The following PLCG1 variants were observed in gnomAD, a reference collection of about 807,000 sequenced individuals.
The protein encoded by PLCG1 is 1-phosphatidylinositol 4,5-bisphosphate phosphodiesterase gamma-1.
PLCG1 carries 71 observed loss-of-function variants against 177.8 expected under a neutral mutation model. That is an observed-to-expected ratio of 0.40 (90% CI 0.33 to 0.49). The LOEUF (loss-of-function observed/expected upper bound fraction) is 0.49. PLCG1 is among the 20% of genes least tolerant of loss of function. PLCG1 has a pLI of 0.72. For missense variants in PLCG1, 1,281 were observed against 1,709.0 expected, an observed-to-expected ratio of 0.75 and a Z score of 4.42; for synonymous variants, 658 against 647.9, an observed-to-expected ratio of 1.02 and a Z score of -0.24.
At position 41,159,808 on chromosome 20, in the gene PLCG1, G is replaced by T; in HGVS notation, c.370+50G>T. ...GTAGAGGATAGTTAGGGGAATGCCTGCTGGCTCCTGCCCAGTGGGAGGTAT... is the reference window on the plus strand; with the variant it reads ...GTAGAGGATAGTTAGGGGAATGCCTTCTGGCTCCTGCCCAGTGGGAGGTAT... On this transcript the variant is annotated intron_variant, in intron 2 of 31. Transcript: ENST00000685551. This position sits in a 1 kb window ranked among gnomAD's most constrained non-coding sequence, Gnocchi z 6.0. 4 of 1,613,324 alleles carry T rather than the reference G, an allele frequency of 2.5e-6. No individual in the cohort carries two copies. Among genetic ancestry groups the T allele is most frequent in the Non-Finnish European group, 3.4e-6 (4 of 1,179,208 alleles).
Position 41,174,205 on chromosome 20 carries a change from G to A in PLCG1, c.3727G>A (p.Gly1243Ser), listed in dbSNP as rs1170870807. The change falls in exon 31 of 32, where the codon GGC becomes AGC. Residue 1243 changes from glycine to serine, a missense_variant. Transcript: ENST00000685551. The surrounding 1 kb of genome is among the most constrained non-coding windows in gnomAD (Gnocchi z 5.8). ...GSDASGQLFH[G>S]RAREGSFESR... ...AGATGCCTCAGGCCAGCTGTTTCAT[G>A]GCCGAGCCCGGGAAGGCTCCTTTGA... 1.2e-6 allele frequency: 2 copies of A among 1,614,184 alleles called. No individual in the cohort carries two copies. Among genetic ancestry groups the A allele is most frequent in the South Asian group, 2.2e-5 (2 of 91,084 alleles).
intron 21 of PLCG1, 41 bp downstream of exon 21, chr20:41,168,911 A>G: frequency 7.0e-7 from 1 of 1,424,496 alleles, no homozygotes; most frequent in African/African-American, 1.4e-5. Context: ...CAAGGGCCCC[A>G]GTGGAGCTGG....
chr20:41,141,594 C>T lies in PLCG1; in HGVS notation c.217+3736C>T, dbSNP rs995739824. On this transcript the variant is annotated intron_variant, in intron 1 of 31. Transcript: ENST00000685551. ...GGTTTTCTTTGTACTGGCTGTTACT[C>T]CCAGTGGGAGAGGGGCAGGAGCACA... is the stretch of plus-strand genomic sequence containing the variant. Among the ~76,000 whole-genome samples, 5 of 152,226 alleles carry T rather than the reference C, an allele frequency of 3.3e-5. No homozygotes were observed. In the East Asian group the frequency reaches 7.7e-4, roughly 23 times the overall value.
Position 41,164,353 on chromosome 20 carries a change from C to T in PLCG1, c.1217+152C>T, listed in dbSNP as rs1475002400. 6 of 754,906 alleles carry T rather than the reference C, an allele frequency of 7.9e-6. No homozygotes were observed. The highest frequency in any genetic ancestry group is 2.6e-5 in the Admixed American group (1 of 38,782). The allele number at this position is 754,906 out of a possible 1,614,324, so 46.8% of individuals were successfully genotyped here. A position where few individuals can be genotyped will look rare whatever the true frequency, so the allele number is the denominator to read the frequency against. Reference sequence around the variant, plus strand: ...CCTCTTGGCCTCTCCTCGTCACCTGCTCCCTGCTTGAGCTGTTGCTTCCCA... The same window carrying T: ...CCTCTTGGCCTCTCCTCGTCACCTGTTCCCTGCTTGAGCTGTTGCTTCCCA... On this transcript the variant is annotated intron_variant, in intron 12 of 31. Transcript: ENST00000685551. The surrounding 1 kb of genome is among the most constrained non-coding windows in gnomAD (Gnocchi z 6.4).
Position 41,176,757 on chromosome 20 carries a change from C to T in PLCG1, c.*2248C>T, listed in dbSNP as rs2036075644. ...CTCAAGCAAATTTAAAGATCATTTTCACTTCAAGATTCCTCCAGACCTGAC... is the reference window on the plus strand; with the variant it reads ...CTCAAGCAAATTTAAAGATCATTTTTACTTCAAGATTCCTCCAGACCTGAC... On this transcript the variant is annotated 3_prime_UTR_variant, in exon 32 of 32. Transcript: ENST00000685551. 6.6e-6 allele frequency: 1 copy of T among 152,244 alleles called. No individual in the cohort carries two copies. The allele number at this position is 152,244 out of a possible 1,614,324, so 9.4% of individuals were successfully genotyped here. A position where few individuals can be genotyped will look rare whatever the true frequency, so the allele number is the denominator to read the frequency against.
chr20:41,153,446 A>G lies in PLCG1; in HGVS notation c.218-6160A>G, dbSNP rs560062870. 3.9e-5 allele frequency among the ~76,000 whole-genome samples: 6 copies of G among 152,240 alleles called. No individual in the cohort carries two copies. In the East Asian group the frequency reaches 1.2e-3, roughly 29 times the overall value. On this transcript the variant is annotated intron_variant, in intron 1 of 31. Transcript: ENST00000685551. This position sits in a 1 kb window ranked among gnomAD's most constrained non-coding sequence, Gnocchi z 5.1. The stretch of plus-strand genomic sequence containing the variant: ...GCTGGGACTACAGGCATGTGCTACC[A>G]TGTCTAGCTAAGTTTTTTTAATTTT...
chr20:41,147,957 G>A lies in PLCG1; in HGVS notation c.217+10099G>A, dbSNP rs1360351578. Among the ~76,000 whole-genome samples, 5 of 152,146 alleles carry A rather than the reference G, an allele frequency of 3.3e-5. No individual in the cohort carries two copies. Among genetic ancestry groups the A allele is most frequent in the African/African-American group, 1.2e-4 (5 of 41,416 alleles). On this transcript the variant is annotated intron_variant, in intron 1 of 31. Coordinates refer to ENST00000685551, the MANE Select transcript of PLCG1 (RefSeq NM_002660.3). This position sits in a 1 kb window ranked among gnomAD's most constrained non-coding sequence, Gnocchi z 4.0. ...AGTCTAGATCACTCACTGGGGCCCT[G>A]TTTCCCAGGAAGCAAAAAGGGAACA...
chr20:41,172,189 C>G lies in PLCG1; in HGVS notation c.2809-4C>G, dbSNP rs1568757835. 4.3e-6 allele frequency: 7 copies of G among 1,611,034 alleles called. No homozygotes were observed. In the East Asian group the frequency reaches 8.9e-5, roughly 21 times the overall value. ...GGGCTACAGGGCCTTGTGTGTGTCACCAGCTCACTGAAGGGAAGATAATGG... is the reference window on the plus strand; with the variant it reads ...GGGCTACAGGGCCTTGTGTGTGTCAGCAGCTCACTGAAGGGAAGATAATGG... On this transcript the variant is annotated splice_polypyrimidine_tract_variant and splice_region_variant and intron_variant, in intron 24 of 31. Transcript: ENST00000685551. The surrounding 1 kb of genome is among the most constrained non-coding windows in gnomAD (Gnocchi z 7.0).
rs2035611409 is a variant in PLCG1 at position 41,164,331 on chromosome 20, CTT to C, written c.1217+131_1217+132del. ...TCAGCCTTTCATCTTTGTCCTTCCT[CTT>C]GGCCTCTCCTCGTCACCTGCTCCCT... is the stretch of plus-strand genomic sequence containing the variant. On this transcript the variant is annotated intron_variant, in intron 12 of 31. Coordinates refer to ENST00000685551, the MANE Select transcript of PLCG1 (RefSeq NM_002660.3). This position sits in a 1 kb window ranked among gnomAD's most constrained non-coding sequence, Gnocchi z 6.4. The C allele has an allele frequency of 3.3e-6, 3 of 917,928 alleles. No homozygotes were observed. The highest frequency in any genetic ancestry group is 3.3e-5 in the African/African-American group (2 of 60,752). 56.9% of individuals were successfully genotyped at this position (917,928 alleles called of 1,614,324 possible). A position where few individuals can be genotyped will look rare whatever the true frequency, so the allele number is the denominator to read the frequency against.
chr20:41,159,408 T>G lies in PLCG1; in HGVS notation c.218-198T>G, dbSNP rs891776776. Among the ~76,000 whole-genome samples the G allele has an allele frequency of 2.6e-5, 4 of 152,154 alleles. No individual in the cohort carries two copies. The highest frequency in any genetic ancestry group is 5.9e-5 in the Non-Finnish European group (4 of 68,020). On this transcript the variant is annotated intron_variant, in intron 1 of 31. Transcript: ENST00000685551. This position sits in a 1 kb window ranked among gnomAD's most constrained non-coding sequence, Gnocchi z 6.0. ...CCCCCATATAGCCCTCTCTGACATC[T>G]CAGCCCTTACTTAGCAAAGGCCTAT... is the stretch of plus-strand genomic sequence containing the variant.
Position 41,166,414 on chromosome 20 carries a change from G to A in PLCG1, c.2000+20G>A, listed in dbSNP as rs2035694749. ...CAAAGAGTGAGGGAAGGGCCTGGGG[G>A]CGGACAAGGCAGGGCAGGGCCATGG... On this transcript the variant is annotated intron_variant, in intron 17 of 31. Transcript: ENST00000685551. This position sits in a 1 kb window ranked among gnomAD's most constrained non-coding sequence, Gnocchi z 8.6. 1 of 1,613,910 alleles carries A rather than the reference G, an allele frequency of 6.2e-7. No individual in the cohort carries two copies. Among genetic ancestry groups the A allele is most frequent in the African/African-American group, 1.3e-5 (1 of 74,938 alleles).
rs2035681043 is a variant in PLCG1 at position 41,166,075 on chromosome 20, G to C, written c.1800-119G>C. 2 of 880,318 alleles carry C rather than the reference G, an allele frequency of 2.3e-6. No individual in the cohort carries two copies. Among genetic ancestry groups the C allele is most frequent in the East Asian group, 5.2e-5 (2 of 38,648 alleles). 54.5% of individuals were successfully genotyped at this position (880,318 alleles called of 1,614,324 possible). On this transcript the variant is annotated intron_variant, in intron 16 of 31. Coordinates refer to ENST00000685551, the MANE Select transcript of PLCG1 (RefSeq NM_002660.3). This position sits in a 1 kb window ranked among gnomAD's most constrained non-coding sequence, Gnocchi z 8.6. ...GACTGCCCACACCTGAGCTCCTCAG[G>C]AGATTGGCCTCCCTCCTTGAGGCTC... is the stretch of plus-strand genomic sequence containing the variant.
In PLCG1 at chr20:41,167,023, T is replaced by G; in HGVS notation, c.2301+164T>G. On this transcript the variant is annotated intron_variant, in intron 19 of 31. Coordinates refer to ENST00000685551, the MANE Select transcript of PLCG1 (RefSeq NM_002660.3). The surrounding 1 kb of genome is among the most constrained non-coding windows in gnomAD (Gnocchi z 4.4). ...CCACAGTGTGGGTACCAGGAGGGTG[T>G]CTGCAGGAGGGGACATCTGAGCAGC... 1.5e-6 allele frequency: 1 copy of G among 655,002 alleles called. No individual in the cohort carries two copies. Among genetic ancestry groups the G allele is most frequent in the Non-Finnish European group, 2.7e-6 (1 of 371,578 alleles). 40.6% of individuals were successfully genotyped at this position (655,002 alleles called of 1,614,324 possible). A position where few individuals can be genotyped will look rare whatever the true frequency, so the allele number is the denominator to read the frequency against.
chr20:41,169,768 A>C lies in PLCG1; in HGVS notation c.2650+242A>C. 5.2e-6 allele frequency: 3 copies of C among 578,544 alleles called. No homozygotes were observed. In the South Asian group the frequency reaches 6.6e-5, roughly 13 times the overall value. The allele number at this position is 578,544 out of a possible 1,614,324, so 35.8% of individuals were successfully genotyped here. A position where few individuals can be genotyped will look rare whatever the true frequency, so the allele number is the denominator to read the frequency against. On this transcript the variant is annotated intron_variant, in intron 23 of 31. Coordinates refer to ENST00000685551, the MANE Select transcript of PLCG1 (RefSeq NM_002660.3). The stretch of plus-strand genomic sequence containing the variant: ...GAACCCGTCAGAATCAGCAGAACAA[A>C]GTTGATGCTGCTGGTTGGCTGACAT...
Position 41,172,376 on chromosome 20 carries a change from TC to T in PLCG1, c.2906-43del, listed in dbSNP as rs2035930719. ...AGTATTTAGGTATCCCCCCAACACT[TC>T]CTGGGTGGGCGGGCTCTGTAAGTGT... On this transcript the variant is annotated intron_variant, in intron 25 of 31. Transcript: ENST00000685551. The surrounding 1 kb of genome is among the most constrained non-coding windows in gnomAD (Gnocchi z 7.0). The T allele has an allele frequency of 1.3e-6, 2 of 1,593,926 alleles. No individual in the cohort carries two copies. The highest frequency in any genetic ancestry group is 1.7e-6 in the Non-Finnish European group (2 of 1,161,666).
rs2146006742 is a variant in PLCG1, at chr20:41,147,149, C to A, written c.217+9291C>A. On this transcript the variant is annotated intron_variant, in intron 1 of 31. Coordinates refer to ENST00000685551, the MANE Select transcript of PLCG1 (RefSeq NM_002660.3). The surrounding 1 kb of genome is among the most constrained non-coding windows in gnomAD (Gnocchi z 4.0). Reference sequence around the variant, plus strand: ...CTGCCCTAGTCACTTCCTCCACCTTCAACAGTAATTGAGTATAATGTGCCT... The same window carrying A: ...CTGCCCTAGTCACTTCCTCCACCTTAAACAGTAATTGAGTATAATGTGCCT... Among the ~76,000 whole-genome samples the A allele has an allele frequency of 6.6e-6, 1 of 152,346 alleles. No homozygotes were observed. The highest frequency in any genetic ancestry group is 2.4e-5 in the African/African-American group (1 of 41,574).
At position 41,159,614 on chromosome 20, in the gene PLCG1, C is replaced by A. The variant is rs1470821503; in HGVS notation, c.226C>A (p.Arg76Ser). The change falls in exon 2 of 32, where the codon CGT (arginine) becomes AGT (serine). Residue 76 changes from arginine to serine, a missense_variant. This residue lies in a region of PLCG1 where 374 missense variants were observed against 443.8 expected (regional missense o/e 0.84). Transcript: ENST00000685551. This position sits in a 1 kb window ranked among gnomAD's most constrained non-coding sequence, Gnocchi z 6.0. ...CTTTGCTACCTTCCTAGTTGACATT[C>A]GTGAAATTAAGGAGATCCGCCCAGG... ...ADKIEGAIDI[R>S]EIKEIRPGKT... The A allele has an allele frequency of 1.2e-6, 2 of 1,613,870 alleles. No individual in the cohort carries two copies.
In PLCG1 at chr20:41,163,453, G is replaced by A. The variant is rs1402349120; in HGVS notation, c.865G>A (p.Glu289Lys). Residue 289 changes from glutamate (E) to lysine (K), a missense_variant, in exon 9 of 32, where the codon GAG (glutamate) becomes AAG (lysine). Physicochemically the swap from Glu to Lys is moderately conservative, Grantham distance 56 (BLOSUM62 1). Transcript: ENST00000685551. This position sits in a 1 kb window ranked among gnomAD's most constrained non-coding sequence, Gnocchi z 5.2. ...SFLRDPLREIEEPYFFLDEFV... is the reference protein window; with the variant it reads ...SFLRDPLREIKEPYFFLDEFV... ...CCTCCGAGACCCCTTACGAGAGATC[G>A]AGGAGCCATACTTCTTCCTGGATGA... 1.9e-6 allele frequency: 3 copies of A among 1,611,504 alleles called. No individual in the cohort carries two copies. The highest frequency in any genetic ancestry group is 2.5e-6 in the Non-Finnish European group (3 of 1,178,736).
At chr20:41,170,990 G>T (rs1423992855) in intron 24 of PLCG1, 1 of 152,506 alleles carries the variant, frequency 6.6e-6, no homozygotes, top group African/African-American at 2.4e-5. Context: ...CAGCGTGTGG[G>T]AGGAGATGGA....
Sources: allele counts gnomAD v4.1 joint callset (sites outside exome capture counted in the v4.1 genomes callset), GRCh38; gene constraint gnomAD v4.1.1; regional missense constraint gnomAD v4.1.1; non-coding constraint Gnocchi (gnomAD v3.1); transcripts MANE v1.5; gene names NCBI Gene and HGNC (gene_info 2026-07-23, HGNC 2026-07-21).